The following EPSTI1 variants were observed in gnomAD, a reference collection of about 807,000 sequenced individuals.
EPSTI1 encodes the protein epithelial stromal interaction 1.
EPSTI1 carries 66 observed loss-of-function variants against 49.9 expected under a neutral mutation model. The ratio of observed to expected loss-of-function variants is 1.32; its 90% CI spans 1.08 to 1.62. The LOEUF (loss-of-function observed/expected upper bound fraction) is 1.62, where lower values mean the gene tolerates loss of function less well. EPSTI1 is among the 40% of genes most tolerant of loss of function. EPSTI1 has a pLI of 0.00. For missense variants in EPSTI1, 394 were observed against 365.5 expected, an observed-to-expected ratio of 1.08 and a Z score of -0.64; for synonymous variants, 137 against 130.7, an observed-to-expected ratio of 1.05 and a Z score of -0.33.
chr13:42,892,846 G>A (rs2037077193), intron 10 of EPSTI1, among the ~76,000 whole-genome samples: 1 of 152,206 alleles, frequency 6.6e-6, no homozygotes. Context: ...ACAGGCAGAT[G>A]CAAGGAATTC....
chr13:42,950,038 T>G (rs1269614318), intron 6 of EPSTI1, among the ~76,000 whole-genome samples: 1 of 152,204 alleles, frequency 6.6e-6, no homozygotes, highest in African/African-American at 2.4e-5. Context: ...TGAATTTTTA[T>G]AAGTAGTAAA....
Position 42,900,399 on chromosome 13 carries a change from G to C in EPSTI1, c.742-16C>G. 1 of 1,612,300 alleles carries C rather than the reference G, an allele frequency of 6.2e-7. No homozygotes were observed. Among genetic ancestry groups the C allele is most frequent in the Non-Finnish European group, 8.5e-7 (1 of 1,178,928 alleles). ...GTAATTCACTCTAGGAACAATAAAA[G>C]TTTTAAAATATGGTTTTCAATTAAC... is the stretch of plus-strand genomic sequence containing the variant. On this transcript the variant is annotated splice_polypyrimidine_tract_variant and intron_variant, in intron 8 of 10. Coordinates refer to ENST00000313624, the MANE Select transcript of EPSTI1 (RefSeq NM_033255.5).
At chr13:42,940,527 T>C (rs2038718868) in intron 6 of EPSTI1, among the ~76,000 whole-genome samples, 1 of 152,224 alleles carries the variant, frequency 6.6e-6, no homozygotes, top group Non-Finnish European at 1.5e-5. Flanking sequence ...GAACCTAGTA[T>C]AGTGCTTGAC....
Position 42,953,964 on chromosome 13 carries a change from T to C in EPSTI1, c.547A>G (p.Arg183Gly). The change falls in exon 6 of 11, where the codon AGA (arginine) becomes GGA (glycine). Residue 183 changes from arginine to glycine, a missense_variant. Transcript: ENST00000313624. ...TTAACTTACTATTGCTGATGCTCTC[T>C]AAATGCTTCTCTTCTAAGGTTTTCT... ...LQENLRREAF[R>G]EHQQYKTAEF... 1 of 1,613,114 alleles carries C rather than the reference T, an allele frequency of 6.2e-7. No homozygotes were observed. The highest frequency in any genetic ancestry group is 8.5e-7 in the Non-Finnish European group (1 of 1,179,876).
chr13:42,931,363 G>A (rs2038365067), intron 6 of EPSTI1, among the ~76,000 whole-genome samples: 2 of 151,598 alleles, frequency 1.3e-5, no homozygotes, highest in Admixed American at 6.6e-5. Context: ...CCGCCACCGC[G>A]CCCGGCTAAT....
chr13:42,911,264 T>C (rs7326337), intron 8 of EPSTI1, among the ~76,000 whole-genome samples: 3,541 of 148,528 alleles, frequency 0.024, 87 homozygotes, highest in African/African-American at 0.066. Flanking sequence ...TGTGTGTGTG[T>C]GCGCGCGCAC....
chr13:42,947,456 G>A (rs781504986), intron 6 of EPSTI1, among the ~76,000 whole-genome samples: 8 of 152,110 alleles, frequency 5.3e-5, no homozygotes, highest in Non-Finnish European at 7.4e-5. Flanking sequence ...TCCACCCCAA[G>A]TCCTCTTATC....
rs776705731 is a variant in EPSTI1 at position 42,888,336 on chromosome 13, C to T, written c.*158G>A. The stretch of plus-strand genomic sequence containing the variant: ...TCCTCCAAACATGCATAAATGAGGA[C>T]AAGGAGAAGCCAGTCACTCCTGACT... On this transcript the variant is annotated 3_prime_UTR_variant, in exon 11 of 11. Transcript: ENST00000313624. 3 of 1,614,050 alleles carry T rather than the reference C, an allele frequency of 1.9e-6. No homozygotes were observed. The highest frequency in any genetic ancestry group is 2.2e-5 in the East Asian group (1 of 44,862).
intron 5 of EPSTI1, among the ~76,000 whole-genome samples, chr13:42,954,849 G>A (rs1019013959): frequency 3.3e-5 from 5 of 152,162 alleles, no homozygotes; most frequent in Non-Finnish European, 7.4e-5. Flanking sequence ...GTAAGGAGCT[G>A]GGGTTGCTTT....
At chr13:42,968,273 T>C (rs777516118) in intron 3 of EPSTI1, among the ~76,000 whole-genome samples, 2 of 152,090 alleles carry the variant, frequency 1.3e-5, no homozygotes, top group Non-Finnish European at 2.9e-5. Flanking sequence ...TTACTATTAC[T>C]TCCTCCCATT....
intron 7 of EPSTI1, chr13:42,919,349 G>C (rs368978236): frequency 6.2e-6 from 10 of 1,612,046 alleles, no homozygotes; most frequent in African/African-American, 1.3e-5. Context: ...AAAAATAATA[G>C]AAGGGAATAA....
intron 1 of EPSTI1, among the ~76,000 whole-genome samples, chr13:42,990,190 A>G (rs771590773): frequency 2.6e-5 from 4 of 152,064 alleles, no homozygotes; most frequent in Non-Finnish European, 5.9e-5. Flanking sequence ...AAAAAAAAAA[A>G]AAGGAAGACT....
intron 6 of EPSTI1, among the ~76,000 whole-genome samples, chr13:42,935,729 T>C (rs952369342): frequency 6.6e-6 from 1 of 152,094 alleles, no homozygotes; most frequent in Non-Finnish European, 1.5e-5. Flanking sequence ...GTAGCTGGGA[T>C]TACAGGCACC....
chr13:42,989,308 CTTATA>C (rs1566185988), intron 1 of EPSTI1, among the ~76,000 whole-genome samples: 2 of 151,920 alleles, frequency 1.3e-5, no homozygotes, highest in African/African-American at 4.8e-5. Flanking sequence ...TTGGTATTGT[CTTATA>C]TTAAGTAATG....
chr13:42,991,043 G>A (rs936788034), intron 1 of EPSTI1: 1 of 152,226 alleles, frequency 6.6e-6, no homozygotes, highest in Non-Finnish European at 1.5e-5. Context: ...CTACCTATCT[G>A]TTCCTGCATA....
intron 3 of EPSTI1, among the ~76,000 whole-genome samples, chr13:42,964,545 C>G (rs1157829089): frequency 6.6e-6 from 1 of 152,070 alleles, no homozygotes; most frequent in African/African-American, 2.4e-5. Flanking sequence ...AAAGGTGCTT[C>G]TATTGCTTTT....
chr13:42,943,210 C>T (rs1054997302), intron 6 of EPSTI1, among the ~76,000 whole-genome samples: 1 of 152,214 alleles, frequency 6.6e-6, no homozygotes, highest in African/African-American at 2.4e-5. Context: ...ATGGGGACCA[C>T]ATATTCCCCC....
chr13:42,894,914 A>G (rs926438863), intron 10 of EPSTI1, 95 bp downstream of exon 10: 1 of 1,070,246 alleles, frequency 9.3e-7, no homozygotes, highest in Non-Finnish European at 1.4e-6. Flanking sequence ...CAAAAACGTA[A>G]TATCTGGGGA....
intron 9 of EPSTI1, among the ~76,000 whole-genome samples, chr13:42,898,152 T>C (rs969861700): frequency 2.6e-5 from 4 of 152,204 alleles, no homozygotes; most frequent in African/African-American, 9.6e-5. Context: ...TTGTCAGGAA[T>C]CTCAGTGCTT....
Sources: allele counts gnomAD v4.1 joint callset (sites outside exome capture counted in the v4.1 genomes callset), GRCh38; gene constraint gnomAD v4.1.1; transcripts MANE v1.5; gene names NCBI Gene and HGNC (gene_info 2026-07-23, HGNC 2026-07-21).